Variants in ATG4B observed in about 807,000 individuals in gnomAD.
ATG4B encodes the protein cysteine protease ATG4B.
In ATG4B, 29 loss-of-function variants were observed where a neutral mutation model predicts 56.6. The observed-to-expected ratio is 0.51, with a 90% CI of 0.38 to 0.70. The LOEUF is 0.70. Among genes scored for constraint, ATG4B ranks in the 30% least tolerant of loss-of-function variants. ATG4B has a pLI of 0.00. For synonymous variants in ATG4B, 224 were observed against 206.1 expected, an observed-to-expected ratio of 1.09 and a Z score of -0.74; for missense variants, 461 against 515.5, an observed-to-expected ratio of 0.89 and a Z score of 1.02.
rs1001013676 is a variant in ATG4B at position 241,666,957 on chromosome 2, A to G, written c.732+119A>G. 5.7e-6 allele frequency: 7 copies of G among 1,222,474 alleles called. No homozygotes were observed. In the African/African-American group the frequency reaches 7.5e-5, roughly 13 times the overall value. 75.7% of individuals were successfully genotyped at this position (1,222,474 alleles called of 1,614,324 possible). ...TGCAGCCGGCTCTCGGGGGAGGGGT[A>G]AACAACCCTGGTTTACACCGTTGCC... is the stretch of plus-strand genomic sequence containing the variant. On this transcript the variant is annotated intron_variant, in intron 8 of 12. Coordinates refer to ENST00000404914, the MANE Select transcript of ATG4B (RefSeq NM_013325.5).
intron 1 of ATG4B, among the ~76,000 whole-genome samples, chr2:241,639,365 C>G (rs1559244070): frequency 6.6e-6 from 1 of 152,230 alleles, no homozygotes; most frequent in Non-Finnish European, 1.5e-5. Flanking sequence ...CCCTGTTACT[C>G]CCATTGCCCT....
At chr2:241,641,277 G>T (rs1312952546) in intron 1 of ATG4B, among the ~76,000 whole-genome samples, 1 of 152,226 alleles carries the variant, frequency 6.6e-6, no homozygotes. Context: ...GGGGGCGGGC[G>T]TGGTGGCTCA....
At chr2:241,654,683 G>C in intron 5 of ATG4B, 36 bp downstream of exon 5, 1 of 1,528,746 alleles carries the variant, frequency 6.5e-7, no homozygotes, top group Non-Finnish European at 8.9e-7. Context: ...CCCCACCCGG[G>C]CTGTCTGGAG....
In ATG4B at chr2:241,653,159, T is replaced by G. The variant is rs888865202; in HGVS notation, c.185-353T>G. ...CACTGGATGTCATCAAGCGTTTGAA[T>G]TTCTGCCTTTCTGATAATTGGAAAA... On this transcript the variant is annotated intron_variant, in intron 3 of 12. Transcript: ENST00000404914. 10 of 545,550 alleles carry G rather than the reference T, an allele frequency of 1.8e-5. No homozygotes were observed. The East Asian group carries it at 5.2e-4, about 28-fold the overall frequency. The allele number at this position is 545,550 out of a possible 1,614,324, so 33.8% of individuals were successfully genotyped here.
chr2:241,666,900 C>G lies in ATG4B; in HGVS notation c.732+62C>G, dbSNP rs2125144417. On this transcript the variant is annotated intron_variant, in intron 8 of 12. Coordinates refer to ENST00000404914, the MANE Select transcript of ATG4B (RefSeq NM_013325.5). ...GTCCCCTTCTCCCAGTTCTTAGTCA[C>G]TTTCAGCGCATCGTCGTCACGTGGC... 4 of 1,506,274 alleles carry G rather than the reference C, an allele frequency of 2.7e-6. No individual in the cohort carries two copies. In the East Asian group the frequency reaches 9.9e-5, roughly 37 times the overall value. 93.3% of individuals were successfully genotyped at this position (1,506,274 alleles called of 1,614,324 possible). A position where few individuals can be genotyped will look rare whatever the true frequency, so the allele number is the denominator to read the frequency against.
intron 10 of ATG4B, among the ~76,000 whole-genome samples, chr2:241,669,143 C>G (rs997268633): frequency 2.0e-5 from 3 of 152,108 alleles, no homozygotes; most frequent in Non-Finnish European, 4.4e-5. Context: ...GACTTGACCT[C>G]TCTGGGGGAT....
chr2:241,657,882 C>T (rs1433583182), intron 6 of ATG4B, among the ~76,000 whole-genome samples: 1 of 152,178 alleles, frequency 6.6e-6, no homozygotes, highest in Non-Finnish European at 1.5e-5. Context: ...GGGGCTCTAC[C>T]CGACCTCCCT....
rs1489654517 is a variant in ATG4B, at chr2:241,673,557, A to AC, written c.*1298dup. Reference sequence around the variant, plus strand: ...ACCGGCCCACCTGGTAGCAGAGGACACCCCCAGCCCCCCAAGCATTGAAGA... The same window carrying AC: ...ACCGGCCCACCTGGTAGCAGAGGACACCCCCCAGCCCCCCAAGCATTGAAGA... On this transcript the variant is annotated 3_prime_UTR_variant, in exon 13 of 13. Transcript: ENST00000404914. 3 of 453,392 alleles carry AC rather than the reference A, an allele frequency of 6.6e-6. No individual in the cohort carries two copies. The highest frequency in any genetic ancestry group is 8.8e-6 in the Non-Finnish European group (2 of 226,398). 28.1% of individuals were successfully genotyped at this position (453,392 alleles called of 1,614,324 possible). A position where few individuals can be genotyped will look rare whatever the true frequency, so the allele number is the denominator to read the frequency against.
chr2:241,648,560 A>G (rs2125120016), intron 1 of ATG4B, among the ~76,000 whole-genome samples: 1 of 149,554 alleles, frequency 6.7e-6, no homozygotes, highest in South Asian at 2.1e-4. Flanking sequence ...ACACCACTGT[A>G]CTCCAGCCTG....
chr2:241,670,684 A>C, intron 10 of ATG4B, 42 bp from the exon 11 acceptor site: 1 of 1,571,754 alleles, frequency 6.4e-7, no homozygotes, highest in East Asian at 2.3e-5. Flanking sequence ...AGCCGACTGC[A>C]GATGGGGGTG....
intron 1 of ATG4B, among the ~76,000 whole-genome samples, chr2:241,639,703 TC>T (rs2067828268): frequency 6.6e-6 from 1 of 152,160 alleles, no homozygotes. Context: ...TGTGGCTGGG[TC>T]CAGGGCTTTT....
At chr2:241,659,278 G>A (rs772035844) in intron 7 of ATG4B, 91 bp downstream of exon 7, 31 of 1,191,162 alleles carry the variant, frequency 2.6e-5, no homozygotes, top group Middle Eastern at 3.8e-4. Flanking sequence ...GAGCCTCGGC[G>A]AGTGTTGTCA....
intron 7 of ATG4B, chr2:241,659,541 T>G (rs984681522): frequency 5.5e-6 from 2 of 364,164 alleles, no homozygotes; most frequent in Non-Finnish European, 5.5e-6. Flanking sequence ...GACAGAGAGA[T>G]GTAGCAACCA....
At chr2:241,652,322 C>T (rs982981413) in intron 3 of ATG4B, among the ~76,000 whole-genome samples, 4 of 152,236 alleles carry the variant, frequency 2.6e-5, no homozygotes, top group African/African-American at 9.6e-5. Context: ...CAGGTTTGTC[C>T]CCAGCCTCCA....
intron 7 of ATG4B, among the ~76,000 whole-genome samples, chr2:241,664,725 A>T (rs2068706830): frequency 6.6e-6 from 1 of 152,162 alleles, no homozygotes. Context: ...GCACTTCGGG[A>T]GGCTGAGGTG....
At position 241,672,269 on chromosome 2, in the gene ATG4B, C is replaced by T. The variant is rs1462145239; in HGVS notation, c.*5C>T. The T allele has an allele frequency of 1.3e-6, 2 of 1,569,666 alleles. No individual in the cohort carries two copies. The highest frequency in any genetic ancestry group is 8.6e-7 in the Non-Finnish European group (1 of 1,156,952). On this transcript the variant is annotated 3_prime_UTR_variant, in exon 13 of 13. Coordinates refer to ENST00000404914, the MANE Select transcript of ATG4B (RefSeq NM_013325.5). The stretch of plus-strand genomic sequence containing the variant: ...TTTGAAATCCTGTCCCTTTGAAAAT[C>T]CTGGGGTCGGGGGTGGCACCTGTGA...
rs111624909 is a variant in ATG4B at position 241,649,784 on chromosome 2, CT to C, written c.11-1210del. ...TTTTTTTTCTTTTTCTTTTCTTTTT[CT>C]TTTTTTTTTTTTTTTGAGATGGAGT... On this transcript the variant is annotated intron_variant, in intron 1 of 12. Coordinates refer to ENST00000404914, the MANE Select transcript of ATG4B (RefSeq NM_013325.5). Among the ~76,000 whole-genome samples, 193 of 137,478 alleles carry C rather than the reference CT, an allele frequency of 1.4e-3. 1 individual carries two copies. Among genetic ancestry groups the C allele is most frequent in the Middle Eastern group, 8.0e-3 (2 of 250 alleles). 90.2% of individuals were successfully genotyped at this position (137,478 alleles called of 152,430 possible). A position where few individuals can be genotyped will look rare whatever the true frequency, so the allele number is the denominator to read the frequency against.
At chr2:241,669,462 G>A (rs1383740337) in intron 10 of ATG4B, among the ~76,000 whole-genome samples, 1 of 152,200 alleles carries the variant, frequency 6.6e-6, no homozygotes, top group Admixed American at 6.5e-5. Context: ...GGGCAGGGTG[G>A]CAGTAGTGGG....
chr2:241,657,624 G>T (rs1225078743), intron 6 of ATG4B, among the ~76,000 whole-genome samples: 2 of 152,072 alleles, frequency 1.3e-5, no homozygotes, highest in Admixed American at 1.3e-4. Flanking sequence ...ATTTCAGTGG[G>T]CCCATTCAAA....
Sources: gnomAD v4.1 joint callset for allele counts (sites outside exome capture counted in the v4.1 genomes callset) on GRCh38, gnomAD v4.1.1 for gene constraint, MANE v1.5 for transcripts, NCBI Gene and HGNC (gene_info 2026-07-23, HGNC 2026-07-21) for gene names.